Variants in PEX5 observed in about 807,000 individuals in gnomAD.
PEX5 encodes PTS1 receptor.
Under a neutral mutation model 82.9 loss-of-function variants are expected in PEX5, and 52 were observed. The observed-to-expected ratio is 0.63, with a 90% CI of 0.50 to 0.79. PEX5 has a LOEUF of 0.79. PEX5 is among the 30% of genes least tolerant of loss of function. The pLI, the probability that PEX5 is intolerant of heterozygous loss-of-function variation, is 0.00. For missense variants in PEX5, 719 were observed against 815.2 expected (o/e 0.88, Z 1.44); for synonymous variants, 300 against 318.8 (o/e 0.94, Z 0.63).
intron 5 of PEX5, among the ~76,000 whole-genome samples, chr12:7,197,211 A>G (rs868060295): frequency 2.4e-4 from 23 of 94,956 alleles, no homozygotes; most frequent in African/African-American, 6.8e-4. Context: ...TATGTCATAT[A>G]TAATGTAATT....
intron 5 of PEX5, among the ~76,000 whole-genome samples, chr12:7,191,923 C>T (rs759626824): frequency 2.0e-5 from 3 of 152,242 alleles, no homozygotes; most frequent in East Asian, 1.9e-4. Flanking sequence ...ATAGAGAGAA[C>T]GAAGAGTTTG....
intron 5 of PEX5, among the ~76,000 whole-genome samples, chr12:7,194,456 C>G (rs1591667373): frequency 6.6e-6 from 1 of 152,152 alleles, no homozygotes; most frequent in Non-Finnish European, 1.5e-5. Context: ...TTAGGTTTCA[C>G]CAGTTTTACA....
intron 17 of PEX5, chr12:7,218,276 A>T (rs999586546): frequency 6.6e-6 from 1 of 152,330 alleles, no homozygotes; most frequent in Middle Eastern, 3.4e-3. Context: ...ATTGCAATTG[A>T]GACACTTTCT....
chr12:7,203,181 ATGCACTGCACTGCACTGCACTGCAC>A (rs752693758), intron 9 of PEX5, among the ~76,000 whole-genome samples: 1 of 82,586 alleles, frequency 1.2e-5, no homozygotes, highest in Non-Finnish European at 2.9e-5. Context: ...AAACTAAACT[ATGCACTGCACTGCACTGCACTGCAC>A]TGCACTGCAC....
At chr12:7,196,453 T>C (rs1442317930) in intron 5 of PEX5, among the ~76,000 whole-genome samples, 2 of 135,608 alleles carry the variant, frequency 1.5e-5, no homozygotes, top group African/African-American at 5.5e-5. Context: ...GTAATAATTA[T>C]GTGTCATATA....
intron 5 of PEX5, among the ~76,000 whole-genome samples, chr12:7,196,250 T>TGTAA (rs1942159453): frequency 6.0e-5 from 1 of 16,626 alleles, no homozygotes; most frequent in African/African-American, 1.3e-4. Context: ...TATGTCATAT[T>TGTAA]TAATTATATA....
chr12:7,218,006 T>C (rs766539821), intron 17 of PEX5, among the ~76,000 whole-genome samples: 4 of 152,278 alleles, frequency 2.6e-5, no homozygotes, highest in African/African-American at 7.2e-5. Flanking sequence ...GGGAGTTAGT[T>C]AGTCTAACTA....
chr12:7,213,458 T>A (rs1591819173), downstream of PEX5, among the ~76,000 whole-genome samples: 1 of 62,588 alleles, frequency 1.6e-5, no homozygotes, highest in Non-Finnish European at 4.2e-5. Context: ...TTGACAAACC[T>A]GACAAAAGCA....
At chr12:7,205,880 C>CA (rs1944696365) in intron 10 of PEX5, among the ~76,000 whole-genome samples, 1 of 152,170 alleles carries the variant, frequency 6.6e-6, no homozygotes, top group African/African-American at 2.4e-5. Context: ...TTCTGGCTGT[C>CA]ATATACAGGC....
intron 5 of PEX5, among the ~76,000 whole-genome samples, chr12:7,195,875 G>GC (rs1233262150): frequency 6.6e-6 from 1 of 150,796 alleles, no homozygotes; most frequent in Non-Finnish European, 1.5e-5. Flanking sequence ...CACACTTGAG[G>GC]CAACAGTCTA....
chr12:7,197,561 A>ATATGTTATATATAAT (rs1942990356), intron 5 of PEX5, among the ~76,000 whole-genome samples: 1 of 146,522 alleles, frequency 6.8e-6, no homozygotes, highest in African/African-American at 2.5e-5. Flanking sequence ...TATATAATAT[A>ATATGTTATATATAAT]ATAAGTAGTA....
chr12:7,210,310 G>A lies in PEX5; in HGVS notation c.*87G>A. On this transcript the variant is annotated 3_prime_UTR_variant, in exon 16 of 16. Transcript: ENST00000675855. ...CCTCTCCCCAAATGGGCCTACCAAG[G>A]GGGCGGGCTGATGACCATAAGCGGT... is the stretch of plus-strand genomic sequence containing the variant. The A allele has an allele frequency of 7.6e-7, 1 of 1,312,124 alleles. No homozygotes were observed. 81.3% of individuals were successfully genotyped at this position (1,312,124 alleles called of 1,614,324 possible).
intron 10 of PEX5, among the ~76,000 whole-genome samples, chr12:7,203,897 G>T (rs1433625090): frequency 6.6e-6 from 1 of 152,126 alleles, no homozygotes; most frequent in African/African-American, 2.4e-5. Flanking sequence ...CCTTTGGTGG[G>T]GAGTGTTAGT....
At chr12:7,203,600 T>C in intron 10 of PEX5, 49 bp downstream of exon 10, 1 of 1,572,532 alleles carries the variant, frequency 6.4e-7, no homozygotes, top group Non-Finnish European at 8.7e-7. Context: ...TCCTTCTTTT[T>C]AACGTCTTTC....
rs1232769499 is a variant in PEX5, at chr12:7,190,913, C to T, written c.173C>T (p.Ser58Phe). The change falls in exon 3 of 16, where the codon TCT becomes TTT. Residue 58 changes from serine (S) to phenylalanine (F), a missense_variant. Physicochemically the swap from Ser to Phe is radical, Grantham distance 155. Coordinates refer to ENST00000675855, the MANE Select transcript of PEX5 (RefSeq NM_001351132.2). Reference sequence around the variant, plus strand: ...GCCTCCAAGCCTTTGGGAGTAGCTTCTGAAGATGAGGTAAATAGACCAGTC... The same window carrying T: ...GCCTCCAAGCCTTTGGGAGTAGCTTTTGAAGATGAGGTAAATAGACCAGTC... The part of the protein sequence containing the change: ...EAASKPLGVA[S>F]EDELVAEFLQ... 4 of 1,613,242 alleles carry T rather than the reference C, an allele frequency of 2.5e-6. No individual in the cohort carries two copies.
In PEX5 at chr12:7,190,401, G is replaced by T. The variant is rs1488661702; in HGVS notation, c.24G>T (p.Glu8Asp). 1.2e-6 allele frequency: 2 copies of T among 1,614,226 alleles called. No homozygotes were observed. The highest frequency in any genetic ancestry group is 1.7e-6 in the Non-Finnish European group (2 of 1,180,046). MAMRELV[E>D]AECGGANPLM... ...CCATGGCAATGCGGGAGCTGGTGGA[G>T]GCCGAATGCGGGGGTGCCAACCCGC... Residue 8 changes from glutamate (E) to aspartate (D), a missense_variant, in exon 2 of 16, where the codon GAG (glutamate) becomes GAT (aspartate). Transcript: ENST00000675855.
chr12:7,202,594 C>T lies in PEX5; in HGVS notation c.754-18C>T. 6.2e-7 allele frequency: 1 copy of T among 1,608,308 alleles called. No individual in the cohort carries two copies. Among genetic ancestry groups the T allele is most frequent in the Non-Finnish European group, 8.5e-7 (1 of 1,174,856 alleles). ...GAAAGTTGGTGGTAGTGGTACTGAC[C>T]ATCCTTTTTTGTCGCAGGGTACATC... On this transcript the variant is annotated intron_variant, in intron 8 of 15. Coordinates refer to ENST00000675855, the MANE Select transcript of PEX5 (RefSeq NM_001351132.2).
chr12:7,201,298 CACATACACAT>C (rs1565701473), intron 6 of PEX5, among the ~76,000 whole-genome samples: 4 of 69,648 alleles, frequency 5.7e-5, no homozygotes, highest in Non-Finnish European at 1.3e-4. Context: ...CATGTATACA[CACATACACAT>C]ACACATGTAT....
At position 7,210,297 on chromosome 12, in the gene PEX5, T is replaced by A; in HGVS notation, c.*74T>A. 1 of 1,453,034 alleles carries A rather than the reference T, an allele frequency of 6.9e-7. No individual in the cohort carries two copies. The highest frequency in any genetic ancestry group is 1.1e-5 in the South Asian group (1 of 87,852). 90.0% of individuals were successfully genotyped at this position (1,453,034 alleles called of 1,614,324 possible). A position where few individuals can be genotyped will look rare whatever the true frequency, so the allele number is the denominator to read the frequency against. ...TTGGATGTGATTCCCTCTCCCCAAA[T>A]GGGCCTACCAAGGGGGCGGGCTGAT... On this transcript the variant is annotated 3_prime_UTR_variant, in exon 16 of 16. Transcript: ENST00000675855.
Sources: gnomAD v4.1 joint callset for allele counts (sites outside exome capture counted in the v4.1 genomes callset) on GRCh38, gnomAD v4.1.1 for gene constraint, MANE v1.5 for transcripts, NCBI Gene and HGNC (gene_info 2026-07-23, HGNC 2026-07-21) for gene names.